Variants in LCN2 observed in about 807,000 individuals in gnomAD.
The protein encoded by LCN2 is neutrophil gelatinase-associated lipocalin.
LCN2 carries 27 observed loss-of-function variants against 26.4 expected under a neutral mutation model. The ratio of observed to expected loss-of-function variants is 1.02; its 90% CI spans 0.76 to 1.41. The LOEUF (loss-of-function observed/expected upper bound fraction) is 1.41, where lower values mean the gene tolerates loss of function less well. LCN2 is among the 40% of genes most tolerant of loss of function. LCN2 has a pLI of 0.00. For missense variants in LCN2, 224 were observed against 237.6 expected (o/e 0.94, Z 0.38); for synonymous variants, 94 against 98.9 (o/e 0.95, Z 0.30).
intron 2 of LCN2, 92 bp from the exon 3 acceptor site, chr9:128,151,546 A>G (rs1588086701): frequency 1.0e-6 from 1 of 994,888 alleles, no homozygotes; most frequent in African/African-American, 1.6e-5. Flanking sequence ...GAGCAACAGA[A>G]CCCTGCTGCT....
In LCN2 at chr9:128,150,246, G is replaced by A. The variant is rs1334267614; in HGVS notation, c.147G>A (p.Gly49=). The A allele has an allele frequency of 6.2e-7, 1 of 1,613,824 alleles. No homozygotes were observed. The highest frequency in any genetic ancestry group is 8.5e-7 in the Non-Finnish European group (1 of 1,179,826). ...TTATCAGTCCCTTGCAGTTCCAGGG[G>A]AAGTGGTATGTGGTAGGCCTGGCAG... ...QQNFQDNQFQ[G]KWYVVGLAGN... is the part of the protein sequence containing the mutation. Residue 49 remains glycine, a synonymous_variant, in exon 2 of 7, where the codon GGG becomes GGA. Transcript: ENST00000277480.
At position 128,152,079 on chromosome 9, in the gene LCN2, G is replaced by A; in HGVS notation, c.475+54G>A. 3 of 1,611,792 alleles carry A rather than the reference G, an allele frequency of 1.9e-6. No homozygotes were observed. In the Admixed American group the frequency reaches 5.0e-5, roughly 27 times the overall value. On this transcript the variant is annotated intron_variant, in intron 4 of 6. Transcript: ENST00000277480. The stretch of plus-strand genomic sequence containing the variant: ...TGGCTCCTGATCACACTTAGTGGGA[G>A]GGGAGGCCGGTCCCCCATGAGGAAG...
At chr9:128,150,958 G>A (rs577981537) in intron 2 of LCN2, among the ~76,000 whole-genome samples, 6 of 152,200 alleles carry the variant, frequency 3.9e-5, no homozygotes, top group Admixed American at 2.0e-4. Flanking sequence ...CTAGGGGGTC[G>A]GGAGACCAGC....
At chr9:128,152,819 G>A (rs1175662575) in intron 5 of LCN2, among the ~76,000 whole-genome samples, 8 of 152,176 alleles carry the variant, frequency 5.3e-5, no homozygotes, top group Non-Finnish European at 1.2e-4. Context: ...GCCTGGACTG[G>A]TAAACAGGCA....
chr9:128,150,733 C>A (rs552141803), intron 2 of LCN2: 42 of 449,036 alleles, frequency 9.4e-5, no homozygotes, highest in South Asian at 7.1e-4. Context: ...GTGGGGTGTT[C>A]CCGGCAGGGG....
intron 2 of LCN2, among the ~76,000 whole-genome samples, chr9:128,151,220 T>C (rs543662216): frequency 1.3e-4 from 19 of 151,786 alleles, no homozygotes; most frequent in Non-Finnish European, 1.9e-4. Context: ...ACGGCTGGCA[T>C]GGAGCAGACT....
rs754436745 is a variant in LCN2 at position 128,152,292 on chromosome 9, C to T, written c.577+8C>T. 3.7e-6 allele frequency: 6 copies of T among 1,610,960 alleles called. No homozygotes were observed. Among genetic ancestry groups the T allele is most frequent in the Non-Finnish European group, 5.1e-6 (6 of 1,177,436 alleles). On this transcript the variant is annotated splice_region_variant and intron_variant, in intron 5 of 6. Coordinates refer to ENST00000277480, the MANE Select transcript of LCN2 (RefSeq NM_005564.5). Reference sequence around the variant, plus strand: ...TCTTCCCTGTCCCAATCGGTAATGGCCAGTCTGGATGAGGGGACGGGGACA... The same window carrying T: ...TCTTCCCTGTCCCAATCGGTAATGGTCAGTCTGGATGAGGGGACGGGGACA...
rs1364235035 is a variant in LCN2 at position 128,150,157 on chromosome 9, C to G, written c.139-81C>G. 3 of 1,545,064 alleles carry G rather than the reference C, an allele frequency of 1.9e-6. No individual in the cohort carries two copies. The African/African-American group carries it at 4.1e-5, about 21-fold the overall frequency. On this transcript the variant is annotated intron_variant, in intron 1 of 6. Transcript: ENST00000277480. ...GGCTCATGGTTCCAAGCTGGGCGGC[C>G]CAGAGGTGCCACAGGGACAGAGCTG...
intron 1 of LCN2, among the ~76,000 whole-genome samples, 193 bp from the exon 2 acceptor site, chr9:128,150,045 C>T (rs978017056): frequency 5.9e-5 from 9 of 152,100 alleles, no homozygotes; most frequent in African/African-American, 2.2e-4. Flanking sequence ...GCCTCTTCCC[C>T]CAGGACTCCC....
rs1346687278 is a variant in LCN2, at chr9:128,151,684, C to T, written c.322C>T (p.Gln108Ter). 1 of 1,613,970 alleles carries T rather than the reference C, an allele frequency of 6.2e-7. No individual in the cohort carries two copies. Among genetic ancestry groups the T allele is most frequent in the African/African-American group, 1.3e-5 (1 of 74,920 alleles). The change falls in exon 3 of 7, where the codon CAG (glutamine) becomes TAG (stop). Residue 108 changes from glutamine (Q) to a stop codon, truncating the protein, a stop_gained. Coordinates refer to ENST00000277480, the MANE Select transcript of LCN2 (RefSeq NM_005564.5). LOFTEE classifies it high-confidence loss of function. ...GATCAGGACTTTTGTTCCAGGTTGC[C>T]AGCCCGGCGAGTTCACGCTGGGCAA... Reference protein sequence around the residue: ...YWIRTFVPGCQPGEFTLGNIK... With the variant: ...YWIRTFVPGC
intron 5 of LCN2, among the ~76,000 whole-genome samples, chr9:128,152,855 G>A (rs749042488): frequency 7.9e-5 from 12 of 152,162 alleles, no homozygotes; most frequent in Non-Finnish European, 1.2e-4. Context: ...CGAGGAGCCT[G>A]GGAGCTGGGC....
At position 128,149,476 on chromosome 9, in the gene LCN2, C is replaced by T. The variant is rs1273887002; in HGVS notation, c.-50C>T. ...TCACTCGCCACCTCCTCTTCCACCC[C>T]TGCCAGGCCCAGCAGCCACCACAGC... On this transcript the variant is annotated 5_prime_UTR_variant, in exon 1 of 7. Transcript: ENST00000277480. 4.6e-6 allele frequency: 7 copies of T among 1,515,006 alleles called. No individual in the cohort carries two copies. The highest frequency in any genetic ancestry group is 1.4e-5 in the African/African-American group (1 of 71,838). The allele number at this position is 1,515,006 out of a possible 1,614,324, so 93.8% of individuals were successfully genotyped here.
chr9:128,152,281 A>G lies in LCN2; in HGVS notation c.574A>G (p.Ile192Val), dbSNP rs750760535. 2 of 1,613,338 alleles carry G rather than the reference A, an allele frequency of 1.2e-6. No individual in the cohort carries two copies. Among genetic ancestry groups the G allele is most frequent in the South Asian group, 2.2e-5 (2 of 91,078 alleles). Residue 192 changes from isoleucine to valine, a missense_variant, in exon 5 of 7, where the codon ATC becomes GTC. Physicochemically the swap from Ile to Val is conservative, Grantham distance 29 (BLOSUM62 3). Transcript: ENST00000277480. ...AAACCACATCGTCTTCCCTGTCCCA[A>G]TCGGTAATGGCCAGTCTGGATGAGG... ...PENHIVFPVP[I>V]DQCIDG
Position 128,153,168 on chromosome 9 carries a change from C to G in LCN2, c.*7+42C>G, listed in dbSNP as rs1829158045. On this transcript the variant is annotated intron_variant, in intron 6 of 6. Coordinates refer to ENST00000277480, the MANE Select transcript of LCN2 (RefSeq NM_005564.5). The surrounding 1 kb of genome is among the most constrained non-coding windows in gnomAD (Gnocchi z 5.4). Reference sequence around the variant, plus strand: ...GGCTGCGAGGGGGCTTGTGGGAGGCCAGGGTGCAGTGGGCTGGGGGTCTTG... The same window carrying G: ...GGCTGCGAGGGGGCTTGTGGGAGGCGAGGGTGCAGTGGGCTGGGGGTCTTG... 6.2e-7 allele frequency: 1 copy of G among 1,612,918 alleles called. No homozygotes were observed. The highest frequency in any genetic ancestry group is 1.3e-5 in the African/African-American group (1 of 74,870).
At chr9:128,150,088 T>C in intron 1 of LCN2, 150 bp from the exon 2 acceptor site, 1 of 972,074 alleles carries the variant, frequency 1.0e-6, no homozygotes, top group Non-Finnish European at 1.5e-6. Flanking sequence ...TCCTGCCCCT[T>C]CACCAGTGCA....
At chr9:128,151,520 G>A in intron 2 of LCN2, 118 bp from the exon 3 acceptor site, 2 of 787,496 alleles carry the variant, frequency 2.5e-6, no homozygotes, top group Non-Finnish European at 4.4e-6. Context: ...AGCTGTCACG[G>A]GTTGGGCCGG....
chr9:128,150,393 T>TG lies in LCN2; in HGVS notation c.275+24dup. 2 of 1,614,104 alleles carry TG rather than the reference T, an allele frequency of 1.2e-6. No individual in the cohort carries two copies. Among genetic ancestry groups the TG allele is most frequent in the South Asian group, 1.1e-5 (1 of 91,080 alleles). ...TGTTTAGGTGAGGGCCGACATCTCC[T>TG]GGGGGTGTGAGAGTCAGACTGACGT... On this transcript the variant is annotated intron_variant, in intron 2 of 6. Coordinates refer to ENST00000277480, the MANE Select transcript of LCN2 (RefSeq NM_005564.5).
rs1309450977 is a variant in LCN2, at chr9:128,149,624, G to A, written c.99G>A (p.Leu33=). The A allele has an allele frequency of 2.5e-6, 4 of 1,613,962 alleles. No homozygotes were observed. The highest frequency in any genetic ancestry group is 3.3e-5 in the Admixed American group (2 of 60,016). ...STSDLIPAPP[L]SKVPLQQNFQ... Reference sequence around the variant, plus strand: ...CAGACCTGATCCCAGCCCCACCTCTGAGCAAGGTCCCTCTGCAGCAGAACT... The same window carrying A: ...CAGACCTGATCCCAGCCCCACCTCTAAGCAAGGTCCCTCTGCAGCAGAACT... The change falls in exon 1 of 7, where the codon CTG becomes CTA. Residue 33 remains leucine, a synonymous_variant. Coordinates refer to ENST00000277480, the MANE Select transcript of LCN2 (RefSeq NM_005564.5).
rs1271059178 is a variant in LCN2 at position 128,151,322 on chromosome 9, GTGGC to G, written c.276-315_276-312del. 473 of 567,358 alleles carry G rather than the reference GTGGC, an allele frequency of 8.3e-4. 1 individual carries two copies. Among genetic ancestry groups the G allele is most frequent in the African/African-American group, 8.0e-3 (424 of 53,088 alleles). The allele number at this position is 567,358 out of a possible 1,614,324, so 35.1% of individuals were successfully genotyped here. ...GAAATGCAGGGTTTCTGTGTGTTGGGTGGCGGGGGGGGTGAAAGCCACCCAGGGA... is the reference window on the plus strand; with the variant it reads ...GAAATGCAGGGTTTCTGTGTGTTGGGGGGGGGGGTGAAAGCCACCCAGGGA... On this transcript the variant is annotated intron_variant, in intron 2 of 6. Transcript: ENST00000277480.
Sources: allele counts gnomAD v4.1 joint callset (sites outside exome capture counted in the v4.1 genomes callset), GRCh38; gene constraint gnomAD v4.1.1; non-coding constraint Gnocchi (gnomAD v3.1); transcripts MANE v1.5; gene names NCBI Gene and HGNC (gene_info 2026-07-23, HGNC 2026-07-21).